Variants in KCNIP4 observed in about 807,000 individuals in gnomAD.
KCNIP4 encodes Kv channel-interacting protein 4.
Under a neutral mutation model 34.0 loss-of-function variants are expected in KCNIP4, and 12 were observed. The observed-to-expected ratio is 0.35, with a 90% CI of 0.23 to 0.57. The LOEUF (loss-of-function observed/expected upper bound fraction) is 0.57. KCNIP4 is among the 20% of genes least tolerant of loss of function. KCNIP4 has a pLI of 0.83. For missense variants in KCNIP4, 238 were observed against 311.7 expected (o/e 0.76, Z 1.78); for synonymous variants, 124 against 102.2 (o/e 1.21, Z -1.29).
chr4:21,805,536 A>AT (rs1292039974), intron 1 of KCNIP4, among the ~76,000 whole-genome samples: 10 of 151,842 alleles, frequency 6.6e-5, no homozygotes, highest in African/African-American at 2.4e-4. Context: ...TCCATTAAAC[A>AT]TTTTTCTTCC....
chr4:20,975,614 C>T (rs1275472437), intron 1 of KCNIP4, among the ~76,000 whole-genome samples: 1 of 152,110 alleles, frequency 6.6e-6, no homozygotes, highest in Non-Finnish European at 1.5e-5. Flanking sequence ...CACCAACCGC[C>T]TAAAAAGAGA....
intron 1 of KCNIP4, among the ~76,000 whole-genome samples, chr4:21,595,368 C>T (rs993278517): frequency 2.0e-5 from 3 of 152,106 alleles, no homozygotes; most frequent in South Asian, 2.1e-4. Flanking sequence ...ATATGTGCCA[C>T]ATTTTCTTTA....
chr4:20,855,383 A>G (rs1298624082), intron 2 of KCNIP4, among the ~76,000 whole-genome samples: 1 of 152,130 alleles, frequency 6.6e-6, no homozygotes, highest in Non-Finnish European at 1.5e-5. Context: ...TACAGATTGG[A>G]GACTCAGAGA....
chr4:21,409,592 CAT>C (rs1454028202), intron 1 of KCNIP4, among the ~76,000 whole-genome samples: 1 of 152,060 alleles, frequency 6.6e-6, no homozygotes, highest in Non-Finnish European at 1.5e-5. Context: ...ATATTGAAGA[CAT>C]GTTGAAATAA....
chr4:21,876,011 T>C (rs1726088406), intron 1 of KCNIP4, among the ~76,000 whole-genome samples: 1 of 152,038 alleles, frequency 6.6e-6, no homozygotes, highest in Non-Finnish European at 1.5e-5. Context: ...TTTTGAACCA[T>C]GGATCCCTTT....
At chr4:21,389,184 T>C (rs895548727) in intron 1 of KCNIP4, among the ~76,000 whole-genome samples, 10 of 152,188 alleles carry the variant, frequency 6.6e-5, no homozygotes, top group African/African-American at 1.4e-4. Context: ...TTTCACCGTG[T>C]TGCCCAGGCA....
intron 1 of KCNIP4, among the ~76,000 whole-genome samples, chr4:21,831,423 AAAAG>A (rs1204306805): frequency 1.3e-5 from 2 of 152,020 alleles, no homozygotes; most frequent in Non-Finnish European, 2.9e-5. Context: ...AACAAAGAAA[AAAAG>A]AAAGAGGACT....
chr4:20,738,731 A>T (rs1257738434), intron 5 of KCNIP4, among the ~76,000 whole-genome samples: 3 of 152,152 alleles, frequency 2.0e-5, no homozygotes. Flanking sequence ...GTTCATCTAA[A>T]CTGGGACTTG....
intron 1 of KCNIP4, among the ~76,000 whole-genome samples, chr4:21,270,959 C>G (rs890597632): frequency 5.0e-5 from 7 of 138,960 alleles, no homozygotes; most frequent in South Asian, 2.3e-4. Context: ...GTACTCCAGC[C>G]TGGTCAACAG....
chr4:21,102,377 A>C (rs1259341097), intron 1 of KCNIP4, among the ~76,000 whole-genome samples: 1 of 152,152 alleles, frequency 6.6e-6, no homozygotes, highest in Non-Finnish European at 1.5e-5. Context: ...TTCAAGGGCA[A>C]TGGGGCATTG....
rs950124572 is a variant in KCNIP4 at position 21,197,419 on chromosome 4, C to T, written c.62-314710G>A. Among the ~76,000 whole-genome samples the T allele has an allele frequency of 1.9e-4, 29 of 152,200 alleles. 1 individual carries two copies. The highest frequency in any genetic ancestry group is 4.1e-4 in the South Asian group (2 of 4,824). ...GATTTATTTTGTCTTCAATACAGCACGTTGGATTGCTTCCAATAGCTCTTT... is the reference window on the plus strand; with the variant it reads ...GATTTATTTTGTCTTCAATACAGCATGTTGGATTGCTTCCAATAGCTCTTT... On this transcript the variant is annotated intron_variant, in intron 1 of 8. Transcript: ENST00000382152.
At chr4:21,737,033 A>G (rs371720049) in intron 1 of KCNIP4, among the ~76,000 whole-genome samples, 6 of 42,950 alleles carry the variant, frequency 1.4e-4, no homozygotes, top group South Asian at 1.3e-3. Flanking sequence ...TAAAAAAAAG[A>G]AAGTAAGTTC....
At position 21,928,123 on chromosome 4, in the gene KCNIP4, T is replaced by C. The variant is rs200063756; in HGVS notation, c.61+20448A>G. 3.8e-3 allele frequency among the ~76,000 whole-genome samples: 466 copies of C among 123,144 alleles called. 2 individuals carry two copies. The highest frequency in any genetic ancestry group is 0.013 in the Middle Eastern group (3 of 234). 80.8% of individuals were successfully genotyped at this position (123,144 alleles called of 152,430 possible). A position where few individuals can be genotyped will look rare whatever the true frequency, so the allele number is the denominator to read the frequency against. ...CCAGATTAGACTATATATATATATATATATACACACACACACACACACACC... is the reference window on the plus strand; with the variant it reads ...CCAGATTAGACTATATATATATATACATATACACACACACACACACACACC... On this transcript the variant is annotated intron_variant, in intron 1 of 8. Transcript: ENST00000382152.
chr4:20,774,898 T>C (rs1227552267), intron 3 of KCNIP4, among the ~76,000 whole-genome samples: 1 of 152,188 alleles, frequency 6.6e-6, no homozygotes, highest in Non-Finnish European at 1.5e-5. Context: ...ATTCACAAGA[T>C]AGGTATCATA....
At chr4:21,743,825 C>T (rs9291430) in intron 1 of KCNIP4, among the ~76,000 whole-genome samples, 91,615 of 146,690 alleles carry the variant, frequency 0.62, 30,028 homozygotes, top group African/African-American at 0.77. Context: ...TTCTTCTTAG[C>T]TATAGGAGCA....
chr4:21,395,307 G>T (rs1315541127), intron 1 of KCNIP4, among the ~76,000 whole-genome samples: 1 of 152,032 alleles, frequency 6.6e-6, no homozygotes, highest in East Asian at 1.9e-4. Flanking sequence ...AGTGGAAAAG[G>T]CCACTCCTAC....
intron 1 of KCNIP4, among the ~76,000 whole-genome samples, chr4:21,644,998 A>T (rs1340838814): frequency 6.6e-6 from 1 of 152,010 alleles, no homozygotes; most frequent in African/African-American, 2.4e-5. Context: ...ACCAGAGATA[A>T]CTCTTATTGA....
chr4:21,396,448 C>T (rs934051437), intron 1 of KCNIP4, among the ~76,000 whole-genome samples: 2 of 144,106 alleles, frequency 1.4e-5, no homozygotes, highest in Non-Finnish European at 3.0e-5. Flanking sequence ...CCCAGCTGCT[C>T]AGGAGGCTGA....
chr4:20,825,174 AGAGT>A (rs1448511296), intron 3 of KCNIP4, among the ~76,000 whole-genome samples: 2 of 150,912 alleles, frequency 1.3e-5, no homozygotes, highest in African/African-American at 4.9e-5. Flanking sequence ...GAGAGAAAAT[AGAGT>A]GAGTAAATAA....
Sources: gnomAD v4.1 joint callset for allele counts (sites outside exome capture counted in the v4.1 genomes callset) on GRCh38, gnomAD v4.1.1 for gene constraint, MANE v1.5 for transcripts, NCBI Gene and HGNC (gene_info 2026-07-23, HGNC 2026-07-21) for gene names.